Variants in PNPLA6 observed in about 807,000 individuals in gnomAD.
PNPLA6 encodes patatin-like phospholipase domain-containing protein 6.
PNPLA6 carries 105 observed loss-of-function variants against 153.7 expected under a neutral mutation model. That is an observed-to-expected ratio of 0.68 (90% confidence interval 0.58 to 0.80). PNPLA6 has a LOEUF of 0.80. PNPLA6 is among the 30% of genes least tolerant of loss of function. The probability of loss-of-function intolerance (pLI) is 0.00; values close to 1 mark genes in which losing one functional copy is unlikely to be tolerated. For missense variants in PNPLA6, 1,423 were observed against 1,919.3 expected (o/e 0.74, Z 4.83); for synonymous variants, 825 against 822.2 (o/e 1.00, Z -0.06).
In PNPLA6 at chr19:7,556,541, A is replaced by G. The variant is rs1376269845; in HGVS notation, c.3182A>G (p.His1061Arg). Residue 1061 changes from histidine to arginine, a missense_variant, in exon 25 of 32, where the codon CAT becomes CGT. By Grantham distance (29) the His-to-Arg change is conservative. Transcript: ENST00000600737. ...GGGTCTGCCTTTAACCGCAGCATCC[A>G]TCGGGTCTTCCAGGATAAGCAGATT... The part of the protein sequence containing the change: ...FTGSAFNRSI[H>R]RVFQDKQIED... 1 of 1,613,544 alleles carries G rather than the reference A, an allele frequency of 6.2e-7. No homozygotes were observed. Among genetic ancestry groups the G allele is most frequent in the East Asian group, 2.2e-5 (1 of 44,854 alleles).
chr19:7,543,216 C>A, intron 13 of PNPLA6, 132 bp downstream of exon 13: 1 of 828,786 alleles, frequency 1.2e-6, no homozygotes, highest in South Asian at 1.4e-5. Flanking sequence ...CTCATCCTAT[C>A]ATTTCCAACC....
At chr19:7,535,619 C>A (rs1236483874), upstream of PNPLA6, 3 of 1,587,622 alleles carry the variant, frequency 1.9e-6, no homozygotes, top group African/African-American at 2.7e-5. The surrounding 1 kb of genome is among the most constrained non-coding windows in gnomAD (Gnocchi z 5.0). Context: ...CGGCGTGGGG[C>A]GCCAAGAGGA....
At position 7,541,958 on chromosome 19, in the gene PNPLA6, G is replaced by A. The variant is rs748132676; in HGVS notation, c.1169-26G>A. ...ATCCTCCTAGTGGCTCTGAGGGGCAGGAGCCTGAACATGTGTCTCCCCCAG... is the reference window on the plus strand; with the variant it reads ...ATCCTCCTAGTGGCTCTGAGGGGCAAGAGCCTGAACATGTGTCTCCCCCAG... On this transcript the variant is annotated intron_variant, in intron 9 of 31. Coordinates refer to ENST00000600737, the MANE Select transcript of PNPLA6 (RefSeq NM_001166114.2). The surrounding 1 kb of genome is among the most constrained non-coding windows in gnomAD (Gnocchi z 5.2). 6.3e-7 allele frequency: 1 copy of A among 1,587,298 alleles called. No homozygotes were observed. The highest frequency in any genetic ancestry group is 1.1e-5 in the South Asian group (1 of 90,694).
At chr19:7,551,722 G>A (rs1019346350) in intron 18 of PNPLA6, among the ~76,000 whole-genome samples, 1 of 152,142 alleles carries the variant, frequency 6.6e-6, no homozygotes, top group Non-Finnish European at 1.5e-5. Flanking sequence ...TTAGGCGGTG[G>A]ACTTGGCGTA....
chr19:7,535,209 A>C, upstream of PNPLA6: 2 of 520,904 alleles, frequency 3.8e-6, no homozygotes, highest in East Asian at 3.4e-5. This position sits in a 1 kb window ranked among gnomAD's most constrained non-coding sequence, Gnocchi z 5.0. Context: ...GACAGTGGGT[A>C]CCAGGTCGGC....
At chr19:7,536,942 AAAAAAAAAAAG>A (rs2022900877) in intron 3 of PNPLA6, among the ~76,000 whole-genome samples, 1 of 150,646 alleles carries the variant, frequency 6.6e-6, no homozygotes, top group African/African-American at 2.4e-5. Context: ...AAAAAAAAAA[AAAAAAAAAAAG>A]AAGAAGAAGA....
In PNPLA6 at chr19:7,550,501, C is replaced by A. The variant is rs767771607; in HGVS notation, c.1947-16C>A. 6.2e-7 allele frequency: 1 copy of A among 1,612,930 alleles called. No homozygotes were observed. The highest frequency in any genetic ancestry group is 2.2e-5 in the East Asian group (1 of 44,872). On this transcript the variant is annotated splice_polypyrimidine_tract_variant and intron_variant, in intron 15 of 31. Coordinates refer to ENST00000600737, the MANE Select transcript of PNPLA6 (RefSeq NM_001166114.2). ...CTGGGGGTGGTCAGACCTTGCTGAC[C>A]TCCACGCCCACTCAGGCAGGGCGAC...
Position 7,550,032 on chromosome 19 carries a change from C to T in PNPLA6, c.1734C>T (p.Leu578=), listed in dbSNP as rs1485048132. Residue 578 remains leucine, a synonymous_variant, in exon 14 of 32, where the codon CTC becomes CTT. Transcript: ENST00000600737. ...AACTGGTGGGGCAGCTGGCGGTGCT[C>T]ACTGGCGAACCTCTCATCTTCACAC... is the stretch of plus-strand genomic sequence containing the variant. The part of the protein sequence containing the change: ...PGELVGQLAV[L]TGEPLIFTLR... 6.2e-7 allele frequency: 1 copy of T among 1,613,942 alleles called. No homozygotes were observed. The highest frequency in any genetic ancestry group is 8.5e-7 in the Non-Finnish European group (1 of 1,180,052).
intron 18 of PNPLA6, among the ~76,000 whole-genome samples, chr19:7,552,759 AAAAAAAAAAGAAAG>A (rs1157689469): frequency 2.6e-4 from 28 of 108,772 alleles, no homozygotes; most frequent in Admixed American, 2.0e-3. Context: ...CCATCTCAAA[AAAAAAAAAAGAAAG>A]AAAAAAAAAA....
chr19:7,551,120 G>A lies in PNPLA6; in HGVS notation c.2184+13G>A. On this transcript the variant is annotated intron_variant, in intron 17 of 31. Coordinates refer to ENST00000600737, the MANE Select transcript of PNPLA6 (RefSeq NM_001166114.2). Reference sequence around the variant, plus strand: ...CCGGTACCCGCAGGTGCGGCCTGTTGTGGGCGGGGCAGAGAGGCGGAGGCG... The same window carrying A: ...CCGGTACCCGCAGGTGCGGCCTGTTATGGGCGGGGCAGAGAGGCGGAGGCG... 6.6e-7 allele frequency: 1 copy of A among 1,520,936 alleles called. No individual in the cohort carries two copies. Among genetic ancestry groups the A allele is most frequent in the South Asian group, 1.2e-5 (1 of 83,428 alleles). The allele number at this position is 1,520,936 out of a possible 1,614,324, so 94.2% of individuals were successfully genotyped here.
chr19:7,552,594 A>G, intron 18 of PNPLA6, among the ~76,000 whole-genome samples: 1 of 151,936 alleles, frequency 6.6e-6, no homozygotes, highest in East Asian at 1.9e-4. Context: ...ATCTCTACTA[A>G]AAGTACAAAA....
In PNPLA6 at chr19:7,536,561, G is replaced by T. The variant is rs766635130; in HGVS notation, c.413+15G>T. 6.5e-7 allele frequency: 1 copy of T among 1,529,980 alleles called. No homozygotes were observed. Among genetic ancestry groups the T allele is most frequent in the Non-Finnish European group, 9.1e-7 (1 of 1,103,492 alleles). 94.8% of individuals were successfully genotyped at this position (1,529,980 alleles called of 1,614,324 possible). A position where few individuals can be genotyped will look rare whatever the true frequency, so the allele number is the denominator to read the frequency against. ...ATTGCCAAGAAGTAAGGCTGTGCTG[G>T]GTGTGACCTGGTATTAGGGGTTATC... On this transcript the variant is annotated intron_variant, in intron 3 of 31. Coordinates refer to ENST00000600737, the MANE Select transcript of PNPLA6 (RefSeq NM_001166114.2).
At position 7,536,273 on chromosome 19, in the gene PNPLA6, G is replaced by A. The variant is rs766260744; in HGVS notation, c.315G>A (p.Lys105=). ...TCTATGGCCGGAAGATTATGCGGAA[G>A]GTGAGTCCGGGACCCCTGGGGTCCG... is the stretch of plus-strand genomic sequence containing the variant. ...VLFYGRKIMR[K]VSQSTSSLVD... The change falls in exon 2 of 32, where the codon AAG becomes AAA. Residue 105 remains lysine (K), a splice_region_variant and synonymous_variant. Coordinates refer to ENST00000600737, the MANE Select transcript of PNPLA6 (RefSeq NM_001166114.2). The A allele has an allele frequency of 1.2e-6, 2 of 1,612,004 alleles. No individual in the cohort carries two copies. The highest frequency in any genetic ancestry group is 2.2e-5 in the East Asian group (1 of 44,862).
At chr19:7,542,317 G>A (rs1001460814) in intron 10 of PNPLA6, among the ~76,000 whole-genome samples, 6 of 152,070 alleles carry the variant, frequency 3.9e-5, no homozygotes, top group African/African-American at 1.4e-4. Flanking sequence ...GGTATCCATT[G>A]GTCTCAGACT....
intron 13 of PNPLA6, among the ~76,000 whole-genome samples, chr19:7,547,582 T>C (rs2023436205): frequency 6.7e-6 from 1 of 149,628 alleles, no homozygotes; most frequent in African/African-American, 2.5e-5. Flanking sequence ...TATCAAGCGA[T>C]CCTTCTGCCT....
At position 7,541,149 on chromosome 19, in the gene PNPLA6, C is replaced by A; in HGVS notation, c.924+98C>A. ...GGACCGAGGCCCAGCAGCCAGCAGG[C>A]GCTGGAGCTGTGGTTATCGGCCTGG... On this transcript the variant is annotated intron_variant, in intron 7 of 31. Transcript: ENST00000600737. This position sits in a 1 kb window ranked among gnomAD's most constrained non-coding sequence, Gnocchi z 5.2. The A allele has an allele frequency of 2.1e-6, 3 of 1,403,694 alleles. No individual in the cohort carries two copies. Among genetic ancestry groups the A allele is most frequent in the Non-Finnish European group, 3.0e-6 (3 of 1,012,496 alleles). 87.0% of individuals were successfully genotyped at this position (1,403,694 alleles called of 1,614,324 possible).
chr19:7,554,533 C>G (rs759299997), intron 20 of PNPLA6, 22 bp from the exon 21 acceptor site: 1 of 1,613,868 alleles, frequency 6.2e-7, no homozygotes, highest in Admixed American at 1.7e-5. Flanking sequence ...CCCAGGATGA[C>G]GCTGCCCCCT....
In PNPLA6 at chr19:7,555,603, G is replaced by A. The variant is rs1178206789; in HGVS notation, c.2937-4G>A. 6 of 1,611,262 alleles carry A rather than the reference G, an allele frequency of 3.7e-6. No homozygotes were observed. The highest frequency in any genetic ancestry group is 1.1e-5 in the South Asian group (1 of 90,944). Reference sequence around the variant, plus strand: ...CGGGTCACTGGGGCCCATTTTCCCGGCAGGGGCTGCTCGCACATCGGAGTA... The same window carrying A: ...CGGGTCACTGGGGCCCATTTTCCCGACAGGGGCTGCTCGCACATCGGAGTA... On this transcript the variant is annotated splice_polypyrimidine_tract_variant and splice_region_variant and intron_variant, in intron 23 of 31. Coordinates refer to ENST00000600737, the MANE Select transcript of PNPLA6 (RefSeq NM_001166114.2). The surrounding 1 kb of genome is among the most constrained non-coding windows in gnomAD (Gnocchi z 6.3).
At chr19:7,554,436 G>A (rs745427456) in intron 20 of PNPLA6, 119 bp from the exon 21 acceptor site, 1 of 1,314,138 alleles carries the variant, frequency 7.6e-7, no homozygotes, top group Non-Finnish European at 1.1e-6. Flanking sequence ...CCGGAGCACG[G>A]ACTTCCGTGG....
Sources: allele counts gnomAD v4.1 joint callset (sites outside exome capture counted in the v4.1 genomes callset), GRCh38; gene constraint gnomAD v4.1.1; non-coding constraint Gnocchi (gnomAD v3.1); transcripts MANE v1.5; gene names NCBI Gene and HGNC (gene_info 2026-07-23, HGNC 2026-07-21).